The following IL6R variants were observed in gnomAD, a reference collection of about 807,000 sequenced individuals.
The protein encoded by IL6R is interleukin-6 receptor subunit alpha.
A neutral mutation model predicts 48.3 loss-of-function variants in IL6R; 38 were observed. The observed-to-expected ratio is 0.79, with a 90% CI of 0.61 to 1.03. The LOEUF (loss-of-function observed/expected upper bound fraction) is 1.03, where lower values mean the gene tolerates loss of function less well. Among genes scored for constraint, IL6R ranks in the 50% least tolerant of loss-of-function variants. The pLI is 0.00. For synonymous variants in IL6R, 264 were observed against 256.2 expected (o/e 1.03, Z -0.29); for missense variants, 534 against 618.3 (o/e 0.86, Z 1.45).
chr1:154,429,340 T>C lies in IL6R; in HGVS notation c.230T>C (p.Met77Thr), dbSNP rs764067079. 11 of 1,613,844 alleles carry C rather than the reference T, an allele frequency of 6.8e-6. No individual in the cohort carries two copies. Among genetic ancestry groups the C allele is most frequent in the African/African-American group, 6.7e-5 (5 of 74,860 alleles). ...AGSHPSRWAG[M>T]GRRLLLRSVQ... ...TCCCACCCCAGCAGATGGGCTGGCA[T>C]GGGAAGGAGGCTGCTGCTGAGGTCG... is the stretch of plus-strand genomic sequence containing the variant. The change falls in exon 2 of 10, where the codon ATG becomes ACG. Residue 77 changes from methionine to threonine, a missense_variant. By Grantham distance (81) the Met-to-Thr change is moderately conservative. Transcript: ENST00000368485.
chr1:154,430,333 C>A, intron 2 of IL6R, 150 bp from the exon 3 acceptor site: 1 of 880,004 alleles, frequency 1.1e-6, no homozygotes, highest in Non-Finnish European at 1.7e-6. Flanking sequence ...TCATGTGTGG[C>A]TGAGTGTGGC....
intron 1 of IL6R, among the ~76,000 whole-genome samples, chr1:154,407,347 A>C (rs577705145): frequency 4.6e-5 from 7 of 152,174 alleles, no homozygotes; most frequent in Non-Finnish European, 8.8e-5. Context: ...TCCTGAGTGG[A>C]TGCTAGGCCC....
At chr1:154,433,350 TG>T (rs1245222835) in intron 3 of IL6R, among the ~76,000 whole-genome samples, 1 of 152,144 alleles carries the variant, frequency 6.6e-6, no homozygotes, top group Non-Finnish European at 1.5e-5. Flanking sequence ...CCAGGCCAGG[TG>T]GGATGGTGGC....
At position 154,434,705 on chromosome 1, in the gene IL6R, G is replaced by A. The variant is rs771384161; in HGVS notation, c.640+5G>A. ...CCTTTCAGGGTTGTGGAATCTGTAC[G>A]TAAGCTCTAACCCCCTCTCCAGCAG... On this transcript the variant is annotated splice_donor_5th_base_variant and intron_variant, in intron 4 of 9. Coordinates refer to ENST00000368485, the MANE Select transcript of IL6R (RefSeq NM_000565.4). 7 of 1,612,548 alleles carry A rather than the reference G, an allele frequency of 4.3e-6. No homozygotes were observed. The highest frequency in any genetic ancestry group is 2.7e-5 in the African/African-American group (2 of 74,878).
chr1:154,438,000 C>T (rs764566006), intron 6 of IL6R, among the ~76,000 whole-genome samples: 25 of 152,054 alleles, frequency 1.6e-4, no homozygotes, highest in Non-Finnish European at 2.8e-4. Context: ...AGGTGTGAGC[C>T]ACCGCGCCTG....
At chr1:154,464,919 C>A (rs1691468762) in intron 9 of IL6R, among the ~76,000 whole-genome samples, 1 of 152,116 alleles carries the variant, frequency 6.6e-6, no homozygotes, top group Non-Finnish European at 1.5e-5. Context: ...GAGATCACGC[C>A]ATAGCACTCC....
At chr1:154,454,197 C>T (rs980709641) in intron 8 of IL6R, 4 of 454,024 alleles carry the variant, frequency 8.8e-6, no homozygotes, top group African/African-American at 7.9e-5. Context: ...TGGCTAGCCA[C>T]AGGCGCTCAG....
At chr1:154,431,426 G>T (rs2149238979) in intron 3 of IL6R, among the ~76,000 whole-genome samples, 1 of 152,276 alleles carries the variant, frequency 6.6e-6, no homozygotes, top group Admixed American at 6.5e-5. Context: ...ATCGCAAATG[G>T]TGCTGAACCC....
intron 1 of IL6R, among the ~76,000 whole-genome samples, chr1:154,411,546 A>G (rs1404030726): frequency 6.6e-6 from 1 of 152,160 alleles, no homozygotes; most frequent in Non-Finnish European, 1.5e-5. Context: ...AATGTTTTGC[A>G]ATCCACATCA....
chr1:154,429,852 G>A (rs933561343), intron 2 of IL6R, among the ~76,000 whole-genome samples: 4 of 152,082 alleles, frequency 2.6e-5, no homozygotes, highest in African/African-American at 9.7e-5. Context: ...GTATGTGTGT[G>A]TGTGTATATC....
intron 1 of IL6R, among the ~76,000 whole-genome samples, chr1:154,423,366 C>T (rs1475288067): frequency 2.7e-5 from 4 of 148,608 alleles, no homozygotes; most frequent in Non-Finnish European, 5.9e-5. Context: ...AAGAAATCAC[C>T]TCTAACACCA....
intron 1 of IL6R, among the ~76,000 whole-genome samples, chr1:154,411,873 C>T (rs917570817): frequency 4.2e-4 from 64 of 151,286 alleles, no homozygotes; most frequent in African/African-American, 1.5e-3. Flanking sequence ...GTCTCAACAA[C>T]AACAACAACA....
chr1:154,426,377 C>T (rs1005659236), intron 1 of IL6R, among the ~76,000 whole-genome samples: 6 of 151,552 alleles, frequency 4.0e-5, no homozygotes, highest in African/African-American at 1.5e-4. Context: ...AAAAATTAGC[C>T]GGGCATGGTG....
At chr1:154,439,671 A>G (rs909956110) in intron 6 of IL6R, among the ~76,000 whole-genome samples, 16 of 152,214 alleles carry the variant, frequency 1.1e-4, no homozygotes, top group Non-Finnish European at 2.4e-4. Flanking sequence ...TTGTGCAACC[A>G]TCACCACTTT....
At position 154,466,271 on chromosome 1, in the gene IL6R, G is replaced by A. The variant is rs1691549672; in HGVS notation, c.*891G>A. The A allele has an allele frequency of 6.6e-6, 1 of 152,200 alleles. No homozygotes were observed. Among genetic ancestry groups the A allele is most frequent in the Admixed American group, 6.5e-5 (1 of 15,280 alleles). The allele number at this position is 152,200 out of a possible 1,614,324, so 9.4% of individuals were successfully genotyped here. ...TCCCACAAAGGAGAGCTAGCAGCAGGGAGGGCTTCTGCCATTTCTGAGATC... is the reference window on the plus strand; with the variant it reads ...TCCCACAAAGGAGAGCTAGCAGCAGAGAGGGCTTCTGCCATTTCTGAGATC... On this transcript the variant is annotated 3_prime_UTR_variant, in exon 10 of 10. Transcript: ENST00000368485.
intron 6 of IL6R, among the ~76,000 whole-genome samples, chr1:154,444,458 C>T (rs561045121): frequency 3.3e-4 from 50 of 152,298 alleles, no homozygotes; most frequent in African/African-American, 9.9e-4. Flanking sequence ...CCACCCACCT[C>T]GGCCTCCCAA....
intron 9 of IL6R, among the ~76,000 whole-genome samples, chr1:154,464,216 A>G (rs967525141): frequency 4.7e-5 from 7 of 149,874 alleles, no homozygotes; most frequent in Non-Finnish European, 8.9e-5. Flanking sequence ...GTGCAATGGC[A>G]CGATCTCAGC....
chr1:154,467,882 G>A lies in IL6R; in HGVS notation c.*2502G>A, dbSNP rs1691629599. On this transcript the variant is annotated 3_prime_UTR_variant, in exon 10 of 10. Transcript: ENST00000368485. Reference sequence around the variant, plus strand: ...TTAAGAATGAGAATCTGCAGTAAGGGTGATTCTGTGCCCACAGTTCTTCAA... The same window carrying A: ...TTAAGAATGAGAATCTGCAGTAAGGATGATTCTGTGCCCACAGTTCTTCAA... 6.6e-6 allele frequency: 1 copy of A among 152,168 alleles called. No individual in the cohort carries two copies. The highest frequency in any genetic ancestry group is 1.5e-5 in the Non-Finnish European group (1 of 68,050). 9.4% of individuals were successfully genotyped at this position (152,168 alleles called of 1,614,324 possible).
intron 1 of IL6R, among the ~76,000 whole-genome samples, chr1:154,413,853 TTCTC>T (rs1328506091): frequency 2.0e-5 from 3 of 151,006 alleles, no homozygotes; most frequent in African/African-American, 7.3e-5. Flanking sequence ...CTCTCTTTCT[TTCTC>T]AGGGTCTCAC....
Sources: allele counts gnomAD v4.1 joint callset (sites outside exome capture counted in the v4.1 genomes callset), GRCh38; gene constraint gnomAD v4.1.1; transcripts MANE v1.5; gene names NCBI Gene and HGNC (gene_info 2026-07-23, HGNC 2026-07-21).